The following ACTR3C variants were observed in gnomAD, a reference collection of about 807,000 sequenced individuals.
ACTR3C encodes actin related protein 3C, also known as actin-related protein 3C.
In ACTR3C, 18 loss-of-function variants were observed where a neutral mutation model predicts 26.3. The observed-to-expected ratio is 0.68, with a 90% CI of 0.47 to 1.01. The LOEUF (loss-of-function observed/expected upper bound fraction) is 1.01. Ranked by LOEUF, ACTR3C falls within the 50% of genes least tolerant of loss-of-function variation. ACTR3C has a pLI of 0.00. For synonymous variants in ACTR3C, 55 were observed against 94.5 expected, an observed-to-expected ratio of 0.58 and a Z score of 2.42; for missense variants, 184 against 250.7, an observed-to-expected ratio of 0.73 and a Z score of 1.80.
At chr7:149,995,057 G>A in the ACTR3C span, among the ~76,000 whole-genome samples, 1 of 152,030 alleles carries the variant, frequency 6.6e-6, no homozygotes, top group African/African-American at 2.4e-5. Flanking sequence ...GTTTCACCAT[G>A]TTGACCAGGC....
chr7:150,042,112 C>G, the ACTR3C span, among the ~76,000 whole-genome samples: 4 of 85,376 alleles, frequency 4.7e-5, no homozygotes, highest in African/African-American at 1.8e-4. Flanking sequence ...GTGCCTCCCC[C>G]CTCTGCGATG....
chr7:149,930,395 T>C, the ACTR3C span, among the ~76,000 whole-genome samples: 1 of 152,226 alleles, frequency 6.6e-6, no homozygotes. Flanking sequence ...TGTATGGACA[T>C]ACAGAGAGTG....
At chr7:150,286,194 G>A (rs1423437083) in intron 5 of ACTR3C, among the ~76,000 whole-genome samples, 173 bp downstream of exon 5, 3 of 151,856 alleles carry the variant, frequency 2.0e-5, no homozygotes, top group African/African-American at 4.8e-5. Context: ...CCAGCTCTAC[G>A]GAGAGGCAAA....
chr7:150,254,371 A>T (rs988343065), intron 6 of ACTR3C, among the ~76,000 whole-genome samples: 1 of 152,228 alleles, frequency 6.6e-6, no homozygotes. Context: ...TTTGAGATAT[A>T]AAAAAGCCTC....
the ACTR3C span, among the ~76,000 whole-genome samples, chr7:149,953,034 T>A: frequency 6.6e-6 from 1 of 151,620 alleles, no homozygotes; most frequent in Non-Finnish European, 1.5e-5. Context: ...AAGGTATATG[T>A]GCTATTGCAT....
chr7:150,032,617 T>A, the ACTR3C span, among the ~76,000 whole-genome samples: 3 of 152,072 alleles, frequency 2.0e-5, no homozygotes, highest in African/African-American at 7.2e-5. Flanking sequence ...CTGCTTGAGA[T>A]TAACACCCAC....
intron 6 of ACTR3C, among the ~76,000 whole-genome samples, chr7:150,259,343 GAC>G (rs1563153572): frequency 3.3e-5 from 5 of 151,142 alleles, no homozygotes; most frequent in African/African-American, 9.8e-5. Flanking sequence ...AAGAAAGAAA[GAC>G]AGAGAAAGAA....
At chr7:150,122,258 AAAAACAAAACAAAAC>A in the ACTR3C span, among the ~76,000 whole-genome samples, 119 of 151,092 alleles carry the variant, frequency 7.9e-4, 2 homozygotes, top group African/African-American at 2.7e-3. Context: ...TCTGCACAGC[AAAAACAAAACAAAAC>A]AAAACAAAAC....
the ACTR3C span, among the ~76,000 whole-genome samples, chr7:150,191,826 A>G: frequency 2.0e-5 from 3 of 152,238 alleles, no homozygotes; most frequent in African/African-American, 7.2e-5. Flanking sequence ...TTAACCACTC[A>G]GTTTTCACCA....
the ACTR3C span, among the ~76,000 whole-genome samples, chr7:150,006,403 T>G: frequency 9.5e-5 from 14 of 147,820 alleles, no homozygotes; most frequent in East Asian, 3.9e-4. Context: ...TTCACTGTGT[T>G]AGCCAGGATG....
At chr7:150,203,382 G>A in the ACTR3C span, among the ~76,000 whole-genome samples, 1 of 152,192 alleles carries the variant, frequency 6.6e-6, no homozygotes, top group Non-Finnish European at 1.5e-5. Flanking sequence ...GGCGACTTGT[G>A]TTTTTTAGGT....
At chr7:149,885,494 G>T in the ACTR3C span, among the ~76,000 whole-genome samples, 2,345 of 152,338 alleles carry the variant, frequency 0.015, 58 homozygotes, top group African/African-American at 0.052. Flanking sequence ...GAGCCCAGTG[G>T]AACTTTGTGT....
chr7:150,072,707 C>A, the ACTR3C span, among the ~76,000 whole-genome samples: 2 of 152,242 alleles, frequency 1.3e-5, no homozygotes, highest in Non-Finnish European at 2.9e-5. Flanking sequence ...CTGAGGCAGG[C>A]AGGCAGGCAG....
the ACTR3C span, among the ~76,000 whole-genome samples, chr7:149,959,318 C>T: frequency 2.1e-4 from 32 of 151,836 alleles, no homozygotes; most frequent in Non-Finnish European, 1.5e-5. Flanking sequence ...GAACCTGACA[C>T]CAGCCTGCTC....
At chr7:149,938,822 T>TG in the ACTR3C span, among the ~76,000 whole-genome samples, 1 of 151,188 alleles carries the variant, frequency 6.6e-6, no homozygotes, top group African/African-American at 2.4e-5. Flanking sequence ...TATGGGAGTA[T>TG]GGGGGAAGGT....
At chr7:149,917,543 A>G in the ACTR3C span, among the ~76,000 whole-genome samples, 1 of 151,894 alleles carries the variant, frequency 6.6e-6, no homozygotes, top group Non-Finnish European at 1.5e-5. Context: ...TCCTCTTCCA[A>G]CCATGTGTCT....
chr7:150,082,002 C>T, the ACTR3C span, among the ~76,000 whole-genome samples: 4 of 152,122 alleles, frequency 2.6e-5, no homozygotes, highest in East Asian at 1.9e-4. Context: ...GCAACAAATG[C>T]TTCTTTTAAT....
At chr7:150,017,830 G>A in the ACTR3C span, among the ~76,000 whole-genome samples, 3 of 150,180 alleles carry the variant, frequency 2.0e-5, no homozygotes, top group South Asian at 2.1e-4. Context: ...CTTGCCTCTC[G>A]TTTGACCATT....
the ACTR3C span, chr7:150,004,472 A>G: frequency 1.3e-5 from 2 of 152,294 alleles, no homozygotes; most frequent in South Asian, 2.1e-4. Flanking sequence ...CAACCATTGT[A>G]ATAATACTTG....
Sources: allele counts gnomAD v4.1 joint callset (sites outside exome capture counted in the v4.1 genomes callset), GRCh38; gene constraint gnomAD v4.1.1; transcripts MANE v1.5; gene names NCBI Gene and HGNC (gene_info 2026-07-23, HGNC 2026-07-21).